The following QTMAN variants were observed in gnomAD, a reference collection of about 807,000 sequenced individuals.
QTMAN encodes the protein tRNA-queuosine alpha-mannosyltransferase.
the QTMAN span, among the ~76,000 whole-genome samples, chr2:144,059,973 A>G: frequency 6.6e-6 from 1 of 152,032 alleles, no homozygotes; most frequent in East Asian, 1.9e-4. Context: ...GCTCTTAACT[A>G]TATCTGAAAT....
At chr2:144,006,018 C>T in the QTMAN span, 1 of 152,002 alleles carries the variant, frequency 6.6e-6, no homozygotes. Context: ...ATCTATTTTA[C>T]CTTGAAACAG....
the QTMAN span, among the ~76,000 whole-genome samples, chr2:144,019,013 C>T: frequency 6.6e-6 from 1 of 151,992 alleles, no homozygotes; most frequent in African/African-American, 2.4e-5. Flanking sequence ...AGAATATGGT[C>T]CAGAGATAAA....
At chr2:144,134,845 T>C in the QTMAN span, among the ~76,000 whole-genome samples, 1 of 152,078 alleles carries the variant, frequency 6.6e-6, no homozygotes, top group Non-Finnish European at 1.5e-5. Flanking sequence ...GTGGGTGTTT[T>C]TTTAAGATCT....
chr2:144,121,188 T>C, the QTMAN span, among the ~76,000 whole-genome samples: 1 of 152,016 alleles, frequency 6.6e-6, no homozygotes, highest in Non-Finnish European at 1.5e-5. Flanking sequence ...GGGGAGAGTC[T>C]AGGGATAGTG....
the QTMAN span, among the ~76,000 whole-genome samples, chr2:144,021,201 G>A: frequency 1.8e-4 from 28 of 152,152 alleles, no homozygotes; most frequent in African/African-American, 6.8e-4. Context: ...AGGTAAACCA[G>A]AAAGTCCTAA....
At chr2:143,996,318 T>A in the QTMAN span, among the ~76,000 whole-genome samples, 1 of 152,056 alleles carries the variant, frequency 6.6e-6, no homozygotes, top group South Asian at 2.1e-4. Flanking sequence ...GTGGCCCACA[T>A]CACTTTTTTC....
chr2:144,198,810 T>A, the QTMAN span, among the ~76,000 whole-genome samples: 3 of 152,154 alleles, frequency 2.0e-5, no homozygotes, highest in African/African-American at 7.2e-5. Flanking sequence ...AGAAAAAAAT[T>A]TGTCTGTCAC....
At chr2:144,190,328 C>T in the QTMAN span, among the ~76,000 whole-genome samples, 2 of 152,116 alleles carry the variant, frequency 1.3e-5, no homozygotes, top group East Asian at 3.8e-4. Flanking sequence ...CTTGATGTAC[C>T]TCCAATAAGC....
chr2:144,299,879 C>T, the QTMAN span, among the ~76,000 whole-genome samples: 5 of 151,970 alleles, frequency 3.3e-5, no homozygotes, highest in African/African-American at 4.8e-5. Flanking sequence ...CATCAGTGGA[C>T]GAATGGAGAA....
the QTMAN span, chr2:143,940,364 T>C: frequency 6.6e-6 from 1 of 152,256 alleles, no homozygotes; most frequent in Non-Finnish European, 1.5e-5. Flanking sequence ...AATATACTTA[T>C]ATTGTACTTG....
the QTMAN span, chr2:144,177,365 G>A: frequency 1.7e-5 from 10 of 571,562 alleles, no homozygotes; most frequent in Non-Finnish European, 2.8e-5. Flanking sequence ...GGGGTTTGGG[G>A]GTAGTCAATT....
chr2:144,123,581 T>C, the QTMAN span, among the ~76,000 whole-genome samples: 1 of 152,176 alleles, frequency 6.6e-6, no homozygotes, highest in South Asian at 2.1e-4. Flanking sequence ...CTTAGAACTT[T>C]AGATGATTAC....
chr2:144,084,595 C>G, the QTMAN span, among the ~76,000 whole-genome samples: 1 of 152,188 alleles, frequency 6.6e-6, no homozygotes, highest in Non-Finnish European at 1.5e-5. Flanking sequence ...TCATCTCCTT[C>G]TCAGATTTTA....
At chr2:144,178,021 T>C in the QTMAN span, among the ~76,000 whole-genome samples, 2 of 152,160 alleles carry the variant, frequency 1.3e-5, no homozygotes, top group Non-Finnish European at 2.9e-5. Flanking sequence ...TCCTAAGAAG[T>C]GCAGACTAAG....
the QTMAN span, among the ~76,000 whole-genome samples, chr2:144,131,330 T>G: frequency 1.3e-5 from 2 of 151,914 alleles, no homozygotes; most frequent in African/African-American, 4.8e-5. Flanking sequence ...CGGACACTCC[T>G]CCATCAAGTT....
chr2:144,248,746 CT>C, the QTMAN span, among the ~76,000 whole-genome samples: 1 of 146,904 alleles, frequency 6.8e-6, no homozygotes, highest in Admixed American at 6.8e-5. Flanking sequence ...CTTTTTTTAA[CT>C]TAAAAAAAAA....
At chr2:144,112,397 T>C in the QTMAN span, among the ~76,000 whole-genome samples, 1 of 152,198 alleles carries the variant, frequency 6.6e-6, no homozygotes, top group African/African-American at 2.4e-5. Context: ...TAAGGAATGA[T>C]ACAGTAATTA....
At chr2:144,066,890 CTG>C in the QTMAN span, among the ~76,000 whole-genome samples, 7 of 152,218 alleles carry the variant, frequency 4.6e-5, no homozygotes, top group Non-Finnish European at 1.0e-4. Context: ...CCCTCCAAAT[CTG>C]TTTCTACCAT....
the QTMAN span, among the ~76,000 whole-genome samples, chr2:144,003,058 ATTAT>A: frequency 5.3e-5 from 8 of 152,084 alleles, no homozygotes; most frequent in South Asian, 8.3e-4. Context: ...ATAAAAATAC[ATTAT>A]TTATGTTAAC....
Sources: gnomAD v4.1 joint callset for allele counts (sites outside exome capture counted in the v4.1 genomes callset) on GRCh38, gnomAD v4.1.1 for gene constraint, MANE v1.5 for transcripts, NCBI Gene and HGNC (gene_info 2026-07-23, HGNC 2026-07-21) for gene names.